The following DDA1 variants were observed in gnomAD, a reference collection of about 807,000 sequenced individuals.
DDA1 encodes the protein DET1- and DDB1-associated protein 1.
DDA1 carries 3 observed loss-of-function variants against 18.6 expected under a neutral mutation model. The observed-to-expected ratio is 0.16, with a 90% CI of 0.07 to 0.42. The LOEUF (loss-of-function observed/expected upper bound fraction) is 0.42. Ranked by LOEUF, DDA1 falls within the 10% of genes least tolerant of loss-of-function variation. DDA1 has a pLI of 0.99. For synonymous variants in DDA1, 52 were observed against 54.0 expected (o/e 0.96, Z 0.17); for missense variants, 105 against 138.2 (o/e 0.76, Z 1.20).
At chr19:17,315,276 TATAC>T (rs373162596) in intron 3 of DDA1, among the ~76,000 whole-genome samples, 8 of 53,106 alleles carry the variant, frequency 1.5e-4, no homozygotes, top group African/African-American at 6.7e-4. Context: ...CACACGTGTA[TATAC>T]ACACACTATA....
chr19:17,311,826 C>G (rs1251300048), intron 1 of DDA1, among the ~76,000 whole-genome samples: 2 of 152,198 alleles, frequency 1.3e-5, no homozygotes, highest in Non-Finnish European at 2.9e-5. Flanking sequence ...GACTGGCACA[C>G]AGGTGTCCAG....
Position 17,314,490 on chromosome 19 carries a change from C to G in DDA1, c.136+101C>G. ...AGGTTATCTTCAACCCCGGCCCAGG[C>G]CATAGACTTGGCTTGGGTTCACACG... On this transcript the variant is annotated intron_variant, in intron 3 of 4. Transcript: ENST00000359866. This position sits in a 1 kb window ranked among gnomAD's most constrained non-coding sequence, Gnocchi z 4.6. 2 of 1,507,908 alleles carry G rather than the reference C, an allele frequency of 1.3e-6. No homozygotes were observed. Among genetic ancestry groups the G allele is most frequent in the Non-Finnish European group, 1.8e-6 (2 of 1,090,612 alleles). The allele number at this position is 1,507,908 out of a possible 1,614,324, so 93.4% of individuals were successfully genotyped here.
In DDA1 at chr19:17,314,817, C is replaced by T; in HGVS notation, c.136+428C>T. The T allele has an allele frequency of 4.9e-6, 1 of 204,476 alleles. No homozygotes were observed. The highest frequency in any genetic ancestry group is 7.3e-5 in the South Asian group (1 of 13,684). The allele number at this position is 204,476 out of a possible 1,614,324, so 12.7% of individuals were successfully genotyped here. A position where few individuals can be genotyped will look rare whatever the true frequency, so the allele number is the denominator to read the frequency against. On this transcript the variant is annotated intron_variant, in intron 3 of 4. Coordinates refer to ENST00000359866, the MANE Select transcript of DDA1 (RefSeq NM_024050.6). The surrounding 1 kb of genome is among the most constrained non-coding windows in gnomAD (Gnocchi z 4.6). ...CAAGTGCTATCGGGCAGAGAGGCAGCAGAGGGCTACAGGGGCTTGGGCTGG... is the reference window on the plus strand; with the variant it reads ...CAAGTGCTATCGGGCAGAGAGGCAGTAGAGGGCTACAGGGGCTTGGGCTGG...
chr19:17,309,889 C>G (rs1022060665), intron 1 of DDA1, among the ~76,000 whole-genome samples: 29 of 152,096 alleles, frequency 1.9e-4, no homozygotes, highest in African/African-American at 7.0e-4. Context: ...GATACCAAGC[C>G]CTGACAACTC....
rs1273854914 is a variant in DDA1 at position 17,315,192 on chromosome 19, CACGTGTAT to C, written c.137-739_137-732del. Among the ~76,000 whole-genome samples the C allele has an allele frequency of 3.9e-4, 9 of 22,952 alleles. 3 individuals carry two copies. The highest frequency in any genetic ancestry group is 7.4e-4 in the Non-Finnish European group (8 of 10,772). 15.1% of individuals were successfully genotyped at this position (22,952 alleles called of 152,430 possible). A position where few individuals can be genotyped will look rare whatever the true frequency, so the allele number is the denominator to read the frequency against. ...GTATATACACACACGTGTATACACA[CACGTGTAT>C]ACACACGTGTATATACACACACGTG... On this transcript the variant is annotated intron_variant, in intron 3 of 4. Coordinates refer to ENST00000359866, the MANE Select transcript of DDA1 (RefSeq NM_024050.6).
chr19:17,317,581 C>G (rs1466380972), intron 4 of DDA1, among the ~76,000 whole-genome samples: 3 of 150,212 alleles, frequency 2.0e-5, no homozygotes, highest in Admixed American at 6.7e-5. Context: ...GATTCACACC[C>G]GGAACTGCCT....
intron 1 of DDA1, chr19:17,310,191 T>C (rs1271385308): frequency 6.5e-6 from 1 of 154,806 alleles, no homozygotes; most frequent in Non-Finnish European, 1.4e-5. Flanking sequence ...GAAAAACTTT[T>C]ATCTCCGATC....
Position 17,322,949 on chromosome 19 carries a change from C to A in DDA1, c.*3293C>A, listed in dbSNP as rs1015190100. 4.6e-5 allele frequency: 7 copies of A among 152,294 alleles called. No individual in the cohort carries two copies. The highest frequency in any genetic ancestry group is 4.6e-4 in the Admixed American group (7 of 15,284). The allele number at this position is 152,294 out of a possible 1,614,324, so 9.4% of individuals were successfully genotyped here. On this transcript the variant is annotated 3_prime_UTR_variant, in exon 5 of 5. Transcript: ENST00000359866. ...AAGGAGTCTTACTCAGGACTGGGGC[C>A]TGTGCACACATTGTCGCCTCTTTTC... is the stretch of plus-strand genomic sequence containing the variant.
Position 17,315,286 on chromosome 19 carries a change from C to CGTGTATATACACACACGTG in DDA1, c.137-648_137-647insGTGTATATACACACACGTG. ...ATACACACACGTGTATATACACACACTATATATATACACACGTGTATATAT... is the reference window on the plus strand; with the variant it reads ...ATACACACACGTGTATATACACACACGTGTATATACACACACGTGTATATATATACACACGTGTATATAT... On this transcript the variant is annotated intron_variant, in intron 3 of 4. Coordinates refer to ENST00000359866, the MANE Select transcript of DDA1 (RefSeq NM_024050.6). Among the ~76,000 whole-genome samples, 3 of 29,196 alleles carry CGTGTATATACACACACGTG rather than the reference C, an allele frequency of 1.0e-4. 1 individual carries two copies. In the South Asian group the frequency reaches 2.1e-3, roughly 21 times the overall value. The allele number at this position is 29,196 out of a possible 152,430, so 19.2% of individuals were successfully genotyped here.
intron 1 of DDA1, among the ~76,000 whole-genome samples, chr19:17,313,433 C>CT (rs57148595): frequency 0.052 from 4,260 of 82,486 alleles, 498 homozygotes; most frequent in Non-Finnish European, 0.063. Flanking sequence ...TTGAAAATGG[C>CT]TTTTTTTTTT....
At chr19:17,318,669 CTT>C (rs953541691) in intron 4 of DDA1, among the ~76,000 whole-genome samples, 2 of 141,230 alleles carry the variant, frequency 1.4e-5, no homozygotes, top group African/African-American at 2.6e-5. Flanking sequence ...GCCTGGCCTT[CTT>C]TTTTTTTTTG....
intron 3 of DDA1, among the ~76,000 whole-genome samples, chr19:17,315,438 A>G (rs1382675533): frequency 0.036 from 4,340 of 121,340 alleles, 220 homozygotes; most frequent in Non-Finnish European, 0.053. Flanking sequence ...GCATATATAT[A>G]TATATATATA....
chr19:17,312,238 G>A (rs541461735), intron 1 of DDA1, among the ~76,000 whole-genome samples: 1 of 152,156 alleles, frequency 6.6e-6, no homozygotes, highest in Non-Finnish European at 1.5e-5. Context: ...CGGGCCCTGT[G>A]TGAGCCCGGC....
At chr19:17,313,946 G>A in intron 1 of DDA1, 77 bp from the exon 2 acceptor site, 1 of 1,187,484 alleles carries the variant, frequency 8.4e-7, no homozygotes, top group East Asian at 2.4e-5. Context: ...AAGGAACCCA[G>A]CAGTCACCCT....
intron 3 of DDA1, among the ~76,000 whole-genome samples, chr19:17,315,156 T>TAC (rs1254512975): frequency 4.2e-5 from 3 of 70,830 alleles, no homozygotes; most frequent in African/African-American, 7.4e-5. Context: ...CACACGTATA[T>TAC]ATACACACGT....
At chr19:17,313,667 T>C (rs1294680497) in intron 1 of DDA1, among the ~76,000 whole-genome samples, 1 of 152,086 alleles carries the variant, frequency 6.6e-6, no homozygotes, top group African/African-American at 2.4e-5. Context: ...GGTCTCAAAC[T>C]CCTGACCGCA....
chr19:17,316,093 G>A lies in DDA1; in HGVS notation c.198+98G>A. On this transcript the variant is annotated intron_variant, in intron 4 of 4. Transcript: ENST00000359866. ...CACAGGAAGGACTCTAGTGATTGGA[G>A]CAGGGCCTTGAGGGCTGGGTAGGAG... is the stretch of plus-strand genomic sequence containing the variant. 5.0e-6 allele frequency: 7 copies of A among 1,403,990 alleles called. No individual in the cohort carries two copies. In the South Asian group the frequency reaches 8.1e-5, roughly 16 times the overall value. 87.0% of individuals were successfully genotyped at this position (1,403,990 alleles called of 1,614,324 possible). A position where few individuals can be genotyped will look rare whatever the true frequency, so the allele number is the denominator to read the frequency against.
At chr19:17,309,704 G>A in intron 1 of DDA1, 47 bp downstream of exon 1, 1 of 1,603,212 alleles carries the variant, frequency 6.2e-7, no homozygotes, top group African/African-American at 1.3e-5. Flanking sequence ...TAGACAAAAT[G>A]GCGCTGTGGT....
intron 4 of DDA1, among the ~76,000 whole-genome samples, chr19:17,316,545 A>C (rs1409224036): frequency 6.6e-6 from 1 of 150,846 alleles, no homozygotes; most frequent in Non-Finnish European, 1.5e-5. Context: ...GCACCACTGC[A>C]CTCCAGCCTT....
Sources: gnomAD v4.1 joint callset for allele counts (sites outside exome capture counted in the v4.1 genomes callset) on GRCh38, gnomAD v4.1.1 for gene constraint, Gnocchi (gnomAD v3.1) non-coding constraint, MANE v1.5 for transcripts, NCBI Gene and HGNC (gene_info 2026-07-23, HGNC 2026-07-21) for gene names.